SLIT1: variants seen among roughly 807,000 people sequenced by gnomAD.
The protein encoded by SLIT1 is slit guidance ligand 1.
SLIT1 carries 66 observed loss-of-function variants against 186.1 expected under a neutral mutation model. That is an observed-to-expected ratio of 0.35 (90% CI 0.29 to 0.44). SLIT1 has a LOEUF of 0.44. Ranked by LOEUF, SLIT1 falls within the 20% of genes least tolerant of loss-of-function variation. SLIT1 has a pLI of 1.00. For missense variants in SLIT1, 1,638 were observed against 2,037.4 expected (o/e 0.80, Z 3.77); for synonymous variants, 761 against 833.8 (o/e 0.91, Z 1.50).
rs1333238464 is a variant in SLIT1, at chr10:97,006,469, C to G, written c.3579+14G>C. 6.3e-7 allele frequency: 1 copy of G among 1,598,574 alleles called. No homozygotes were observed. The highest frequency in any genetic ancestry group is 8.6e-7 in the Non-Finnish European group (1 of 1,166,252). ...CCCTGACTCCCCTCTGTGACCAAGC[C>G]CCCTGGCACGCACCTGCAACGTGAT... is the stretch of plus-strand genomic sequence containing the variant. On this transcript the variant is annotated intron_variant, in intron 32 of 36. Transcript: ENST00000266058. The surrounding 1 kb of genome is among the most constrained non-coding windows in gnomAD (Gnocchi z 4.0).
At chr10:97,064,110 A>G in intron 7 of SLIT1, 58 bp downstream of exon 7, 1 of 1,387,732 alleles carries the variant, frequency 7.2e-7, no homozygotes, top group Non-Finnish European at 1.0e-6. Flanking sequence ...TGCCCCACCC[A>G]CCCCCTGGCA....
chr10:97,150,709 G>A (rs1849867747), intron 4 of SLIT1, among the ~76,000 whole-genome samples: 1 of 151,904 alleles, frequency 6.6e-6, no homozygotes, highest in Non-Finnish European at 1.5e-5. Context: ...TCTGGATGAC[G>A]AGGGGATCAG....
At chr10:97,105,433 G>A (rs977181791) in intron 4 of SLIT1, among the ~76,000 whole-genome samples, 2 of 152,194 alleles carry the variant, frequency 1.3e-5, no homozygotes, top group African/African-American at 4.8e-5. Flanking sequence ...AGAACCAGAT[G>A]AAAGGGAACC....
In SLIT1 at chr10:97,010,616, C is replaced by T. The variant is rs967838588; in HGVS notation, c.3341+377G>A. Among the ~76,000 whole-genome samples, 2 of 152,170 alleles carry T rather than the reference C, an allele frequency of 1.3e-5. No individual in the cohort carries two copies. The highest frequency in any genetic ancestry group is 4.8e-5 in the African/African-American group (2 of 41,440). ...ACAAATGAGTGAGCAGAGCATGGGA[C>T]GTGGGTGGCCAGAGGGAGGGTGGGC... On this transcript the variant is annotated intron_variant, in intron 31 of 36. Transcript: ENST00000266058. The surrounding 1 kb of genome is among the most constrained non-coding windows in gnomAD (Gnocchi z 4.8).
chr10:97,179,610 C>T (rs962003127), intron 1 of SLIT1, among the ~76,000 whole-genome samples: 1 of 152,330 alleles, frequency 6.6e-6, no homozygotes, highest in South Asian at 2.1e-4. Flanking sequence ...CTGTGCTCCT[C>T]GTCTCTATGG....
intron 4 of SLIT1, among the ~76,000 whole-genome samples, chr10:97,105,565 A>G (rs1280225384): frequency 6.6e-6 from 1 of 152,240 alleles, no homozygotes; most frequent in African/African-American, 2.4e-5. Flanking sequence ...TACAGAAAAC[A>G]TATTAAAGAC....
intron 4 of SLIT1, among the ~76,000 whole-genome samples, chr10:97,085,093 T>G (rs1802167531): frequency 6.6e-6 from 1 of 151,782 alleles, no homozygotes; most frequent in Admixed American, 6.6e-5. Flanking sequence ...CCGGCTAATT[T>G]TTTGTATTTT....
intron 1 of SLIT1, among the ~76,000 whole-genome samples, chr10:97,166,286 G>A (rs368874860): frequency 8.6e-5 from 13 of 151,914 alleles, no homozygotes; most frequent in Middle Eastern, 3.4e-3. Flanking sequence ...AGGCCGAGGC[G>A]GGTGGATCAC....
chr10:97,114,423 G>A (rs1414359164), intron 4 of SLIT1, among the ~76,000 whole-genome samples: 1 of 152,204 alleles, frequency 6.6e-6, no homozygotes, highest in Admixed American at 6.5e-5. Flanking sequence ...GGGAGGCCAA[G>A]GCAGGAGGAT....
rs769586974 is a variant in SLIT1, at chr10:97,046,811, CG to C, written c.1710-15del. On this transcript the variant is annotated splice_polypyrimidine_tract_variant and intron_variant, in intron 17 of 36. Coordinates refer to ENST00000266058, the MANE Select transcript of SLIT1 (RefSeq NM_003061.3). ...TTGCTCAGATTGCTGGGAGAAGAGGCGGGGGGAGGATTACATATGGCCAGCA... is the reference window on the plus strand; with the variant it reads ...TTGCTCAGATTGCTGGGAGAAGAGGCGGGGGAGGATTACATATGGCCAGCA... 7 of 1,609,380 alleles carry C rather than the reference CG, an allele frequency of 4.3e-6. No homozygotes were observed. In the African/African-American group the frequency reaches 5.3e-5, roughly 12 times the overall value.
intron 4 of SLIT1, among the ~76,000 whole-genome samples, chr10:97,093,593 G>C (rs1034137969): frequency 6.6e-6 from 1 of 152,250 alleles, no homozygotes; most frequent in Non-Finnish European, 1.5e-5. Context: ...GCTTAAGAAT[G>C]TTGGAGCAAA....
At chr10:97,147,211 A>T (rs1163133680) in intron 4 of SLIT1, among the ~76,000 whole-genome samples, 1 of 152,208 alleles carries the variant, frequency 6.6e-6, no homozygotes, top group African/African-American at 2.4e-5. Flanking sequence ...CATGTCTGTG[A>T]TGTACTGAGA....
chr10:97,049,905 C>A (rs1175985505), intron 13 of SLIT1, among the ~76,000 whole-genome samples: 2 of 152,206 alleles, frequency 1.3e-5, no homozygotes. Context: ...CTGTGTGCGA[C>A]CCCATGCTGG....
chr10:97,030,338 C>A (rs553317663), intron 25 of SLIT1, among the ~76,000 whole-genome samples: 1 of 152,176 alleles, frequency 6.6e-6, no homozygotes, highest in Non-Finnish European at 1.5e-5. Context: ...ACTAGTGGAG[C>A]GCTTAAGAGC....
intron 14 of SLIT1, 102 bp from the exon 15 acceptor site, chr10:97,048,098 G>T: frequency 7.9e-7 from 1 of 1,272,340 alleles, no homozygotes. Context: ...ACCCCAGACA[G>T]GGCTGAGGAG....
intron 16 of SLIT1, among the ~76,000 whole-genome samples, chr10:97,047,458 G>T (rs1848744154): frequency 6.6e-6 from 1 of 152,238 alleles, no homozygotes; most frequent in Admixed American, 6.5e-5. Context: ...GACCTGCCCT[G>T]AGTGCCAGAG....
At chr10:97,034,407 G>A in intron 23 of SLIT1, 64 bp downstream of exon 23, 1 of 1,173,334 alleles carries the variant, frequency 8.5e-7, no homozygotes, top group Non-Finnish European at 1.3e-6. Flanking sequence ...GCACAGGCTG[G>A]GGCTAGGGAA....
At chr10:97,064,424 C>A (rs1018984935) in intron 6 of SLIT1, among the ~76,000 whole-genome samples, 185 bp from the exon 7 acceptor site, 36 of 152,142 alleles carry the variant, frequency 2.4e-4, no homozygotes, top group Admixed American at 6.5e-5. Context: ...TGAGCTGGGA[C>A]GGTGACCGTA....
intron 20 of SLIT1, 42 bp downstream of exon 20, chr10:97,042,859 C>T: frequency 6.3e-7 from 1 of 1,599,110 alleles, no homozygotes; most frequent in Non-Finnish European, 8.5e-7. Context: ...CTGGTTGGAC[C>T]CAGGGCGCCC....
Sources: gnomAD v4.1 joint callset for allele counts (sites outside exome capture counted in the v4.1 genomes callset) on GRCh38, gnomAD v4.1.1 for gene constraint, Gnocchi (gnomAD v3.1) non-coding constraint, MANE v1.5 for transcripts, NCBI Gene and HGNC (gene_info 2026-07-23, HGNC 2026-07-21) for gene names.